Variants in ZNF285 observed in about 807,000 individuals in gnomAD.
ZNF285 encodes the protein zinc finger protein 285.
In ZNF285, 4 loss-of-function variants were observed where a neutral mutation model predicts 6.2. The ratio of observed to expected loss-of-function variants is 0.65; its 90% CI spans 0.32 to 1.49. The LOEUF (loss-of-function observed/expected upper bound fraction) is 1.49. Ranked by LOEUF, ZNF285 falls within the 40% of genes most tolerant of loss-of-function variation. ZNF285 has a pLI of 0.07. For missense variants in ZNF285, 695 were observed against 708.8 expected (o/e 0.98, Z 0.22); for synonymous variants, 240 against 245.8 (o/e 0.98, Z 0.22).
Position 44,387,149 on chromosome 19 carries a change from G to C in ZNF285, c.1096C>G (p.His366Asp). Residue 366 changes from histidine to aspartate, a missense_variant, in exon 4 of 4, where the codon CAC becomes GAC. Transcript: ENST00000614994. Reference protein sequence around the residue: ...RSLLCIHQGVHTGKKPYKCEE... With the variant: ...RSLLCIHQGVDTGKKPYKCEE... ...CATTTATAGGGCTTTTTCCCTGTGT[G>C]TACTCCCTGATGAATACAAAGAAGT... is the stretch of plus-strand genomic sequence containing the variant. 1.2e-6 allele frequency: 2 copies of C among 1,614,008 alleles called. No homozygotes were observed. The highest frequency in any genetic ancestry group is 1.7e-6 in the Non-Finnish European group (2 of 1,180,014).
At chr19:44,388,380 C>T (rs374331786) in intron 3 of ZNF285, among the ~76,000 whole-genome samples, 1 of 150,810 alleles carries the variant, frequency 6.6e-6, no homozygotes, top group Non-Finnish European at 1.5e-5. Flanking sequence ...AGGAGATCAA[C>T]ACCAGGCTGG....
Position 44,386,937 on chromosome 19 carries a change from G to T in ZNF285, c.1308C>A (p.Gly436=), listed in dbSNP as rs1971090837. The T allele has an allele frequency of 6.2e-7, 1 of 1,614,054 alleles. No individual in the cohort carries two copies. The highest frequency in any genetic ancestry group is 1.3e-5 in the African/African-American group (1 of 74,922). ...TGTGAAGGTGTGTACATTGGCTGAA[G>T]CCCTTTCCACACTCACCACACCTAT... ...KPYRCGECGK[G]FSQCTHLHIH... is the part of the protein sequence containing the mutation. The change falls in exon 4 of 4, where the codon GGC becomes GGA. Residue 436 remains glycine, a synonymous_variant. Transcript: ENST00000614994.
intron 3 of ZNF285, among the ~76,000 whole-genome samples, chr19:44,390,811 G>A (rs180929021): frequency 9.9e-5 from 15 of 152,156 alleles, no homozygotes; most frequent in African/African-American, 3.4e-4. Flanking sequence ...GGTCTTTCCT[G>A]TGTTTTCTCA....
chr19:44,389,596 C>T (rs4305190), intron 3 of ZNF285, among the ~76,000 whole-genome samples: 40,837 of 152,010 alleles, frequency 0.27, 9,372 homozygotes, highest in African/African-American at 0.6. Flanking sequence ...ATAAATTCTT[C>T]TGTTTTCTGT....
intron 3 of ZNF285, among the ~76,000 whole-genome samples, chr19:44,389,640 T>C (rs1971160301): frequency 6.6e-6 from 1 of 152,100 alleles, no homozygotes; most frequent in Admixed American, 6.5e-5. Context: ...TCTTTCTTTA[T>C]TATTATTATA....
Position 44,382,897 on chromosome 19 carries a change from G to A in ZNF285, c.*3575C>T, listed in dbSNP as rs1226626956. 1 of 152,174 alleles carries A rather than the reference G, an allele frequency of 6.6e-6. No homozygotes were observed. Among genetic ancestry groups the A allele is most frequent in the Admixed American group, 6.5e-5 (1 of 15,288 alleles). 9.4% of individuals were successfully genotyped at this position (152,174 alleles called of 1,614,324 possible). ...AGGAAGAGAAAGCCGCTGGGAAGTTGAGTTCATGTAAAGCCCTTCCCACTG... is the reference window on the plus strand; with the variant it reads ...AGGAAGAGAAAGCCGCTGGGAAGTTAAGTTCATGTAAAGCCCTTCCCACTG... On this transcript the variant is annotated 3_prime_UTR_variant, in exon 4 of 4. Transcript: ENST00000614994.
chr19:44,390,453 A>G (rs1206680667), intron 3 of ZNF285, among the ~76,000 whole-genome samples: 2 of 152,110 alleles, frequency 1.3e-5, no homozygotes, highest in Non-Finnish European at 2.9e-5. Context: ...AATTTCTCCC[A>G]TTTGGAACAG....
At chr19:44,389,374 G>A (rs1971153782) in intron 3 of ZNF285, among the ~76,000 whole-genome samples, 1 of 152,134 alleles carries the variant, frequency 6.6e-6, no homozygotes, top group Admixed American at 6.5e-5. Flanking sequence ...TATTGAAAGT[G>A]ACTTTAGTTT....
chr19:44,388,023 C>T lies in ZNF285; in HGVS notation c.222G>A (p.Trp74Ter). ...SYLSQEVLHCWQIWKQRIRDL... is the reference protein window; with the variant it reads ...SYLSQEVLHC ...CCCGGATCCTTTGTTTCCAAATCTG[C>T]CAGCAATGAAGCACTTCTTGCGAAA... Residue 74 changes from tryptophan (W) to a stop codon, truncating the protein, a stop_gained, in exon 4 of 4, where the codon TGG becomes TGA. Coordinates refer to ENST00000614994, the MANE Select transcript of ZNF285 (RefSeq NM_152354.6). LOFTEE classifies it low-confidence loss of function (END_TRUNC). The T allele has an allele frequency of 6.2e-7, 1 of 1,614,112 alleles. No individual in the cohort carries two copies. The highest frequency in any genetic ancestry group is 1.3e-5 in the African/African-American group (1 of 75,040).
At chr19:44,393,648 A>C (rs1971233743) in intron 2 of ZNF285, among the ~76,000 whole-genome samples, 1 of 152,146 alleles carries the variant, frequency 6.6e-6, no homozygotes, top group African/African-American at 2.4e-5. Context: ...CCATTTGTCA[A>C]TTTTGGCTTT....
intron 2 of ZNF285, 62 bp from the exon 3 acceptor site, chr19:44,392,528 G>A: frequency 1.9e-6 from 3 of 1,613,312 alleles, no homozygotes; most frequent in Non-Finnish European, 2.5e-6. Context: ...TAGTCTGTTT[G>A]GGCTGCCTTA....
Position 44,387,208 on chromosome 19 carries a change from C to T in ZNF285, c.1037G>A (p.Cys346Tyr). Reference sequence around the variant, plus strand: ...TCCAAACCCTTTCCCACATTCATCGCATTTGTAGGGCATCTCCCCTGTGTG... The same window carrying T: ...TCCAAACCCTTTCCCACATTCATCGTATTTGTAGGGCATCTCCCCTGTGTG... ...RVHTGEMPYKCDECGKGFGFR... is the reference protein window; with the variant it reads ...RVHTGEMPYKYDECGKGFGFR... Residue 346 changes from cysteine to tyrosine, a missense_variant, in exon 4 of 4, where the codon TGC becomes TAC. Cys to Tyr is a radical substitution (Grantham distance 194). Coordinates refer to ENST00000614994, the MANE Select transcript of ZNF285 (RefSeq NM_152354.6). 1 of 1,614,060 alleles carries T rather than the reference C, an allele frequency of 6.2e-7. No homozygotes were observed. The highest frequency in any genetic ancestry group is 1.1e-5 in the South Asian group (1 of 91,072).
chr19:44,400,184 C>T (rs1971352486), intron 1 of ZNF285, among the ~76,000 whole-genome samples: 1 of 148,630 alleles, frequency 6.7e-6, no homozygotes, highest in Non-Finnish European at 1.5e-5. Flanking sequence ...TCCCTATCTG[C>T]CAAAGTCCAC....
At chr19:44,397,099 A>G in intron 2 of ZNF285, 100 bp downstream of exon 2, 1 of 1,547,750 alleles carries the variant, frequency 6.5e-7, no homozygotes, top group South Asian at 1.1e-5. Flanking sequence ...CCTAATACAT[A>G]GTAGTCACTC....
chr19:44,386,655 G>A lies in ZNF285; in HGVS notation c.1590C>T (p.His530=), dbSNP rs73039937. Reference sequence around the variant, plus strand: ...GCCTCTCTCCTGTGTGGACTCTGAGGTGAACATTAAGATCTGAATTCCGGC... The same window carrying A: ...GCCTCTCTCCTGTGTGGACTCTGAGATGAACATTAAGATCTGAATTCCGGC... ...GFSRNSDLNV[H]LRVHTGERPY... is the part of the protein sequence containing the mutation. The change falls in exon 4 of 4, where the codon CAC becomes CAT. Residue 530 remains histidine, a synonymous_variant. Coordinates refer to ENST00000614994, the MANE Select transcript of ZNF285 (RefSeq NM_152354.6). 0.043 allele frequency: 69,646 copies of A among 1,613,712 alleles called. 2,241 individuals are homozygous for A. Among genetic ancestry groups the A allele is most frequent in the African/African-American group, 0.16 (12,281 of 74,912 alleles).
chr19:44,400,658 T>C (rs1366140203), intron 1 of ZNF285, among the ~76,000 whole-genome samples: 2 of 152,076 alleles, frequency 1.3e-5, no homozygotes, highest in Admixed American at 6.5e-5. Flanking sequence ...CACTGCAAGC[T>C]CCGCCTCCCG....
chr19:44,400,622 T>G (rs1315403414), intron 1 of ZNF285, among the ~76,000 whole-genome samples: 1 of 152,180 alleles, frequency 6.6e-6, no homozygotes, highest in Non-Finnish European at 1.5e-5. Context: ...TCGCCCAGGC[T>G]GGAGTGCAGT....
At chr19:44,388,816 C>A (rs943059405) in intron 3 of ZNF285, among the ~76,000 whole-genome samples, 27 of 145,976 alleles carry the variant, frequency 1.8e-4, no homozygotes, top group African/African-American at 6.3e-4. Context: ...AAACAAGCAA[C>A]AAGTCCTATC....
intron 3 of ZNF285, among the ~76,000 whole-genome samples, chr19:44,388,833 T>A (rs596135): frequency 0.21 from 20,222 of 96,216 alleles, 978 homozygotes; most frequent in African/African-American, 0.36. Flanking sequence ...TATCTCCTGA[T>A]GGCTTCCCTT....
Sources: gnomAD v4.1 joint callset for allele counts (sites outside exome capture counted in the v4.1 genomes callset) on GRCh38, gnomAD v4.1.1 for gene constraint, MANE v1.5 for transcripts, NCBI Gene and HGNC (gene_info 2026-07-23, HGNC 2026-07-21) for gene names.